The following RGL1 variants were observed in gnomAD, a reference collection of about 807,000 sequenced individuals.
The protein encoded by RGL1 is ral guanine nucleotide dissociation stimulator like 1.
RGL1 carries 24 observed loss-of-function variants against 95.2 expected under a neutral mutation model. The ratio of observed to expected loss-of-function variants is 0.25; its 90% CI spans 0.18 to 0.35. The LOEUF (loss-of-function observed/expected upper bound fraction) is 0.35. Among genes scored for constraint, RGL1 ranks in the 10% least tolerant of loss-of-function variants. RGL1 has a pLI of 1.00. For synonymous variants in RGL1, 329 were observed against 344.9 expected (o/e 0.95, Z 0.51); for missense variants, 715 against 936.3 (o/e 0.76, Z 3.08).
chr1:183,660,522 T>C (rs1276852462), intron 1 of RGL1, among the ~76,000 whole-genome samples: 1 of 151,350 alleles, frequency 6.6e-6, no homozygotes, highest in Non-Finnish European at 1.5e-5. Flanking sequence ...CCTAAATATA[T>C]ATACACCCAA....
chr1:183,704,262 T>C lies in RGL1; in HGVS notation c.-32-37864T>C, dbSNP rs561150901. Among the ~76,000 whole-genome samples the C allele has an allele frequency of 2.0e-5, 3 of 152,312 alleles. No homozygotes were observed. In the East Asian group the frequency reaches 5.8e-4, roughly 29 times the overall value. The stretch of plus-strand genomic sequence containing the variant: ...AAGGAGTTTGTTGATGAGAGAGCCA[T>C]GTATGACAGGAGTGTTTTTTGCAGT... On this transcript the variant is annotated intron_variant, in intron 1 of 18. Coordinates refer to the RGL1 transcript ENST00000304685.
intron 2 of RGL1, among the ~76,000 whole-genome samples, chr1:183,751,362 C>T (rs182457692): frequency 2.4e-3 from 365 of 152,262 alleles, no homozygotes; most frequent in Admixed American, 4.4e-3. Flanking sequence ...GTTTACACTG[C>T]GAGGGGAAAA....
chr1:183,803,149 G>A (rs1004307420), upstream of RGL1, among the ~76,000 whole-genome samples: 1 of 152,072 alleles, frequency 6.6e-6, no homozygotes, highest in Admixed American at 6.5e-5. Context: ...AGTTATTCTT[G>A]GAAAACCTCT....
At chr1:183,706,268 C>T (rs573327131) in intron 1 of RGL1, among the ~76,000 whole-genome samples, 5 of 152,102 alleles carry the variant, frequency 3.3e-5, no homozygotes, top group Admixed American at 1.3e-4. Context: ...AGAGGTGGCT[C>T]GGGGTTTGGA....
rs187858315 is a variant in RGL1, at chr1:183,826,519, C to T, written c.138+20034C>T. Among the ~76,000 whole-genome samples the T allele has an allele frequency of 2.7e-4, 41 of 152,058 alleles. No individual in the cohort carries two copies. The East Asian group carries it at 6.5e-3, about 24-fold the overall frequency. ...CCCAAAGTCTAGAACAGCACCTAGC[C>T]GATGGAAGACACGTGATTATTTGTG... On this transcript the variant is annotated intron_variant, in intron 2 of 17. Coordinates refer to ENST00000360851, the MANE Select transcript of RGL1 (RefSeq NM_001297671.3).
intron 4 of RGL1, among the ~76,000 whole-genome samples, chr1:183,873,957 C>G (rs187417740): frequency 4.9e-4 from 74 of 152,272 alleles, no homozygotes; most frequent in African/African-American, 1.7e-3. Flanking sequence ...GTGGTGAAAA[C>G]TATAGAAGGC....
At chr1:183,900,887 G>A (rs915496526) in intron 11 of RGL1, among the ~76,000 whole-genome samples, 7 of 151,936 alleles carry the variant, frequency 4.6e-5, no homozygotes, top group Non-Finnish European at 7.4e-5. Context: ...CTTTAAGGCC[G>A]GGCGCGATGT....
chr1:183,676,513 G>C (rs1188566741), intron 1 of RGL1, among the ~76,000 whole-genome samples: 2 of 151,764 alleles, frequency 1.3e-5, no homozygotes, highest in Non-Finnish European at 2.9e-5. Flanking sequence ...ACAGTTCAAT[G>C]AATCTAGTTT....
At chr1:183,846,340 C>A (rs1258672527) in intron 2 of RGL1, among the ~76,000 whole-genome samples, 2 of 149,756 alleles carry the variant, frequency 1.3e-5, no homozygotes, top group African/African-American at 2.5e-5. Flanking sequence ...GGGAGTTGAA[C>A]AATGAGGACA....
At chr1:183,721,976 T>C (rs770001817) in intron 1 of RGL1, among the ~76,000 whole-genome samples, 22 of 152,206 alleles carry the variant, frequency 1.4e-4, no homozygotes, top group Non-Finnish European at 3.1e-4. Flanking sequence ...TGATTCAGCA[T>C]CTGTGGATTG....
At chr1:183,711,801 G>A (rs1025187686) in intron 1 of RGL1, among the ~76,000 whole-genome samples, 7 of 151,994 alleles carry the variant, frequency 4.6e-5, no homozygotes, top group African/African-American at 1.2e-4. Flanking sequence ...GTGTGGGGGC[G>A]GGCGGAGAAG....
At chr1:183,656,562 T>C (rs1445843406) in intron 1 of RGL1, among the ~76,000 whole-genome samples, 1 of 152,248 alleles carries the variant, frequency 6.6e-6, no homozygotes. Flanking sequence ...CAGCTGTTTC[T>C]GTACCTCACT....
upstream of RGL1, among the ~76,000 whole-genome samples, chr1:183,801,105 G>A (rs1373374229): frequency 1.3e-5 from 2 of 151,484 alleles, no homozygotes; most frequent in African/African-American, 4.9e-5. Flanking sequence ...GTGCACAAGG[G>A]TTCCAATTTC....
chr1:183,658,302 A>G (rs1382767444), intron 1 of RGL1, among the ~76,000 whole-genome samples: 1 of 152,214 alleles, frequency 6.6e-6, no homozygotes, highest in Non-Finnish European at 1.5e-5. Context: ...TCCCTTTCCT[A>G]GTCAAAGAAA....
At chr1:183,738,095 G>A (rs752113453) in intron 1 of RGL1, among the ~76,000 whole-genome samples, 14 of 152,178 alleles carry the variant, frequency 9.2e-5, no homozygotes, top group African/African-American at 2.9e-4. Context: ...TTGCCTGGAG[G>A]TTGTCTTGTA....
rs1667492599 is a variant in RGL1 at position 183,892,735 on chromosome 1, C to CT, written c.1140+575dup. Among the ~76,000 whole-genome samples the CT allele has an allele frequency of 2.0e-5, 3 of 152,210 alleles. No homozygotes were observed. The South Asian group carries it at 6.2e-4, about 32-fold the overall frequency. On this transcript the variant is annotated intron_variant, in intron 9 of 17. Transcript: ENST00000360851. ...CCTGCTTCTAGAAATATGAAGGTGA[C>CT]TAACACAAACACTGTTTCCTGGAGT...
At chr1:183,735,969 A>G (rs1241041019) in intron 1 of RGL1, among the ~76,000 whole-genome samples, 1 of 152,202 alleles carries the variant, frequency 6.6e-6, no homozygotes, top group Non-Finnish European at 1.5e-5. Context: ...CACAATAGCA[A>G]TCATGGTTAG....
At chr1:183,759,631 C>A (rs1658545315) in intron 2 of RGL1, among the ~76,000 whole-genome samples, 1 of 152,172 alleles carries the variant, frequency 6.6e-6, no homozygotes, top group Non-Finnish European at 1.5e-5. Flanking sequence ...TACCAAACAG[C>A]CTGCTACTAC....
In RGL1 at chr1:183,673,533, A is replaced by G. The variant is rs1310153547; in HGVS notation, c.-33+37032A>G. ...TGAAATCCTGAACTTCTTGATTACCAATATTAACAAATGCCCTCTGTGTGA... is the reference window on the plus strand; with the variant it reads ...TGAAATCCTGAACTTCTTGATTACCGATATTAACAAATGCCCTCTGTGTGA... On this transcript the variant is annotated intron_variant, in intron 1 of 18. Coordinates refer to the RGL1 transcript ENST00000304685. 2.0e-5 allele frequency among the ~76,000 whole-genome samples: 3 copies of G among 152,150 alleles called. No homozygotes were observed. In the East Asian group the frequency reaches 5.8e-4, roughly 29 times the overall value.
Sources: allele counts gnomAD v4.1 joint callset (sites outside exome capture counted in the v4.1 genomes callset), GRCh38; gene constraint gnomAD v4.1.1; transcripts MANE v1.5; gene names NCBI Gene and HGNC (gene_info 2026-07-23, HGNC 2026-07-21).